ANK2: variants seen among roughly 807,000 people sequenced by gnomAD.
The protein encoded by ANK2 is ankyrin 2, also known as ankyrin-2.
Under a neutral mutation model 360.5 loss-of-function variants are expected in ANK2, and 83 were observed. That is an observed-to-expected ratio of 0.23 (90% CI 0.19 to 0.28). ANK2 has a LOEUF of 0.28. Ranked by LOEUF, ANK2 falls within the 10% of genes least tolerant of loss-of-function variation. The pLI, the probability that ANK2 is intolerant of heterozygous loss-of-function variation, is 1.00. For missense variants in ANK2, 4,201 were observed against 4,795.7 expected, an observed-to-expected ratio of 0.88 and a Z score of 3.66; for synonymous variants, 1,740 against 1,759.5, an observed-to-expected ratio of 0.99 and a Z score of 0.28.
At chr4:113,221,790 C>G (rs1272387961) in intron 4 of ANK2, among the ~76,000 whole-genome samples, 1 of 152,146 alleles carries the variant, frequency 6.6e-6, no homozygotes, top group Non-Finnish European at 1.5e-5. Context: ...GAATGAGTAA[C>G]TGGAAACATG....
At chr4:112,760,546 TTTA>T in the ANK2 span, among the ~76,000 whole-genome samples, 13 of 151,690 alleles carry the variant, frequency 8.6e-5, no homozygotes, top group East Asian at 1.2e-3. Context: ...ATTTTTTAAT[TTTA>T]TTATTATTAT....
chr4:113,039,145 A>G (rs1456753098), intron 2 of ANK2, among the ~76,000 whole-genome samples: 1 of 152,076 alleles, frequency 6.6e-6, no homozygotes, highest in Non-Finnish European at 1.5e-5. Context: ...TACTAAATGG[A>G]AGGAATTTTA....
chr4:112,861,203 A>G (rs1038833768), intron 1 of ANK2, among the ~76,000 whole-genome samples: 3 of 152,164 alleles, frequency 2.0e-5, no homozygotes, highest in Non-Finnish European at 2.9e-5. Flanking sequence ...GAAAAGGGCT[A>G]TTGTTTTACA....
At chr4:113,313,409 A>T (rs2081127277) in intron 24 of ANK2, among the ~76,000 whole-genome samples, 1 of 152,160 alleles carries the variant, frequency 6.6e-6, no homozygotes, top group South Asian at 2.1e-4. Context: ...AACAGGATGG[A>T]TGGCTTGAAT....
chr4:112,732,018 G>T, the ANK2 span, among the ~76,000 whole-genome samples: 7 of 152,150 alleles, frequency 4.6e-5, no homozygotes, highest in Non-Finnish European at 7.4e-5. Flanking sequence ...AAGAGCCAAT[G>T]GTTAAAATAT....
At chr4:113,183,970 T>G (rs191153075) in intron 2 of ANK2, among the ~76,000 whole-genome samples, 287 of 149,574 alleles carry the variant, frequency 1.9e-3, no homozygotes, top group African/African-American at 5.6e-3. Context: ...TTTAAAAGAG[T>G]GGTGAGAAGC....
chr4:113,112,368 T>C (rs2094385866), intron 1 of ANK2, among the ~76,000 whole-genome samples: 2 of 152,190 alleles, frequency 1.3e-5, no homozygotes, highest in South Asian at 4.1e-4. Flanking sequence ...TGCACACTCA[T>C]CTTTGTCCAT....
intron 2 of ANK2, among the ~76,000 whole-genome samples, chr4:113,188,164 G>A (rs1161918501): frequency 6.6e-6 from 1 of 152,104 alleles, no homozygotes; most frequent in East Asian, 1.9e-4. Flanking sequence ...GCAAAGTTAG[G>A]CTAGCCACAA....
At chr4:113,263,052 G>A (rs1361852023) in intron 13 of ANK2, among the ~76,000 whole-genome samples, 46 of 151,580 alleles carry the variant, frequency 3.0e-4, no homozygotes. Context: ...GCTGGGCATG[G>A]TGGCGGGCAC....
At chr4:113,142,205 T>C (rs962889016) in intron 1 of ANK2, among the ~76,000 whole-genome samples, 4 of 152,224 alleles carry the variant, frequency 2.6e-5, no homozygotes, top group Non-Finnish European at 5.9e-5. Flanking sequence ...TTGTATTTGC[T>C]AAGCTTTCCT....
intron 39 of ANK2, among the ~76,000 whole-genome samples, chr4:113,362,046 G>A (rs1254588507): frequency 6.6e-6 from 1 of 152,170 alleles, no homozygotes; most frequent in Admixed American, 6.5e-5. Flanking sequence ...CTATATTTAT[G>A]CCTGTTATTT....
At chr4:113,122,769 A>G (rs2095442620) in intron 1 of ANK2, among the ~76,000 whole-genome samples, 3 of 152,066 alleles carry the variant, frequency 2.0e-5, no homozygotes, top group African/African-American at 7.2e-5. Flanking sequence ...AAAACCCATT[A>G]TCTTTTTCTT....
At chr4:112,727,913 G>A in the ANK2 span, among the ~76,000 whole-genome samples, 3 of 152,214 alleles carry the variant, frequency 2.0e-5, no homozygotes, top group Middle Eastern at 3.4e-3. Context: ...GGAGGCGGAC[G>A]TTGCGGTGAG....
At chr4:112,786,360 A>G in the ANK2 span, among the ~76,000 whole-genome samples, 1 of 151,670 alleles carries the variant, frequency 6.6e-6, no homozygotes, top group Non-Finnish European at 1.5e-5. Context: ...AGATTTAGAA[A>G]GCATCAGCTT....
At chr4:112,748,041 A>C in the ANK2 span, among the ~76,000 whole-genome samples, 2 of 152,174 alleles carry the variant, frequency 1.3e-5, no homozygotes, top group African/African-American at 2.4e-5. Flanking sequence ...ATGTAGTAAA[A>C]GCTGTTTTCA....
intron 1 of ANK2, among the ~76,000 whole-genome samples, chr4:112,876,073 T>C (rs939933282): frequency 2.0e-5 from 3 of 152,100 alleles, no homozygotes; most frequent in Non-Finnish European, 4.4e-5. Context: ...ATTTTTTTTT[T>C]CAATAGAACA....
At chr4:113,225,645 C>G (rs1003684897) in intron 4 of ANK2, among the ~76,000 whole-genome samples, 1 of 152,074 alleles carries the variant, frequency 6.6e-6, no homozygotes, top group African/African-American at 2.4e-5. Flanking sequence ...CATTCATTAC[C>G]TTGTATATTA....
chr4:113,214,713 A>G (rs2099066809), intron 4 of ANK2, among the ~76,000 whole-genome samples: 1 of 152,188 alleles, frequency 6.6e-6, no homozygotes, highest in African/African-American at 2.4e-5. Context: ...CCTATCTGAA[A>G]TTAGACTCGT....
chr4:112,784,544 C>T, the ANK2 span, among the ~76,000 whole-genome samples: 2 of 151,828 alleles, frequency 1.3e-5, no homozygotes, highest in Non-Finnish European at 2.9e-5. Context: ...GGGGTTTCAC[C>T]ATGTTAGCCA....
Sources: gnomAD v4.1 joint callset for allele counts (sites outside exome capture counted in the v4.1 genomes callset) on GRCh38, gnomAD v4.1.1 for gene constraint, MANE v1.5 for transcripts, NCBI Gene and HGNC (gene_info 2026-07-23, HGNC 2026-07-21) for gene names.